The following NRXN1 variants were observed in gnomAD, a reference collection of about 807,000 sequenced individuals.
NRXN1 encodes neurexin 1.
Under a neutral mutation model 150.9 loss-of-function variants are expected in NRXN1, and 39 were observed. That is an observed-to-expected ratio of 0.26 (90% CI 0.20 to 0.34). The LOEUF is 0.34. Among genes scored for constraint, NRXN1 ranks in the 10% least tolerant of loss-of-function variants. The pLI is 1.00. For synonymous variants in NRXN1, 924 were observed against 757.0 expected, an observed-to-expected ratio of 1.22 and a Z score of -3.62; for missense variants, 1,815 against 1,949.9, an observed-to-expected ratio of 0.93 and a Z score of 1.30.
At position 51,028,585 on chromosome 2, in the gene NRXN1, T is replaced by C. The variant is rs202170901; in HGVS notation, c.-312A>G. Reference sequence around the variant, plus strand: ...TTCTGGAAAAGGCTTCAACAAAAGATCAAGGGAAAGCACTGACCCATTTGA... The same window carrying C: ...TTCTGGAAAAGGCTTCAACAAAAGACCAAGGGAAAGCACTGACCCATTTGA... On this transcript the variant is annotated 5_prime_UTR_variant, in exon 2 of 23. Transcript: ENST00000401669. The C allele has an allele frequency of 6.3e-6, 2 of 315,638 alleles. No individual in the cohort carries two copies. The highest frequency in any genetic ancestry group is 4.6e-5 in the Admixed American group (1 of 21,704). The allele number at this position is 315,638 out of a possible 1,614,324, so 19.6% of individuals were successfully genotyped here.
chr2:49,968,708 C>G (rs1677396122), intron 21 of NRXN1, among the ~76,000 whole-genome samples: 1 of 152,076 alleles, frequency 6.6e-6, no homozygotes, highest in African/African-American at 2.4e-5. Flanking sequence ...CCTTGAACCA[C>G]ATTAAACTCT....
chr2:50,178,493 A>G (rs2060489553), intron 18 of NRXN1, among the ~76,000 whole-genome samples: 1 of 152,094 alleles, frequency 6.6e-6, no homozygotes, highest in South Asian at 2.1e-4. Context: ...TACTGCCCAC[A>G]AAACAGAACC....
intron 21 of NRXN1, among the ~76,000 whole-genome samples, chr2:50,006,980 T>A (rs150087902): frequency 6.6e-6 from 1 of 152,228 alleles, no homozygotes; most frequent in Non-Finnish European, 1.5e-5. Context: ...CTGAAGGAAA[T>A]GCATGCACTA....
chr2:50,165,642 C>T (rs926142770), intron 18 of NRXN1, among the ~76,000 whole-genome samples: 4 of 152,184 alleles, frequency 2.6e-5, no homozygotes, highest in African/African-American at 7.2e-5. Context: ...AGCCACCCAC[C>T]GCGCCCAGCC....
At chr2:50,090,717 A>G (rs1699441268) in intron 19 of NRXN1, among the ~76,000 whole-genome samples, 2 of 152,204 alleles carry the variant, frequency 1.3e-5, no homozygotes, top group Admixed American at 1.3e-4. Flanking sequence ...TTATAGACTT[A>G]AAATGAGTAG....
chr2:50,470,001 C>G (rs1226251729), intron 16 of NRXN1, among the ~76,000 whole-genome samples: 1 of 151,522 alleles, frequency 6.6e-6, no homozygotes, highest in Non-Finnish European at 1.5e-5. Flanking sequence ...TCCGCCCACT[C>G]ACTCACATTA....
At chr2:50,549,253 C>T (rs1332144659) in intron 9 of NRXN1, among the ~76,000 whole-genome samples, 1 of 152,064 alleles carries the variant, frequency 6.6e-6, no homozygotes, top group Non-Finnish European at 1.5e-5. Context: ...CTACTCCATA[C>T]CAAACCAATG....
At chr2:50,726,662 C>T (rs911276577) in intron 5 of NRXN1, among the ~76,000 whole-genome samples, 37 of 152,070 alleles carry the variant, frequency 2.4e-4, no homozygotes, top group African/African-American at 7.7e-4. Flanking sequence ...AAAAAGTGAC[C>T]GATCTAGTTA....
chr2:50,631,847 T>G (rs1244996271), intron 5 of NRXN1, among the ~76,000 whole-genome samples: 1 of 151,908 alleles, frequency 6.6e-6, no homozygotes, highest in Admixed American at 6.6e-5. Flanking sequence ...TTTCTGGGAC[T>G]GACTCAGATT....
chr2:50,590,575 T>C (rs1350016338), intron 8 of NRXN1, among the ~76,000 whole-genome samples: 1 of 152,080 alleles, frequency 6.6e-6, no homozygotes, highest in Non-Finnish European at 1.5e-5. Flanking sequence ...TATTCAGATA[T>C]TGAAATCCTA....
At chr2:50,460,549 A>G (rs906359424) in intron 17 of NRXN1, among the ~76,000 whole-genome samples, 1 of 152,076 alleles carries the variant, frequency 6.6e-6, no homozygotes, top group South Asian at 2.1e-4. Flanking sequence ...AAAAAGACCA[A>G]TGCTTCCATT....
chr2:50,990,504 T>C (rs1226056785), intron 2 of NRXN1, among the ~76,000 whole-genome samples: 1 of 152,020 alleles, frequency 6.6e-6, no homozygotes, highest in African/African-American at 2.4e-5. Context: ...CATAGCTTAT[T>C]CTCTAGGGAA....
chr2:50,621,153 A>T, intron 7 of NRXN1, 73 bp downstream of exon 7: 1 of 1,371,228 alleles, frequency 7.3e-7, no homozygotes, highest in Non-Finnish European at 1.0e-6. Flanking sequence ...TAAAAGAAAG[A>T]AAGAAAACAC....
chr2:50,333,548 G>GAAAA lies in NRXN1; in HGVS notation c.3365-96579_3365-96578insTTTT, dbSNP rs1400621517. ...TGCCATGGTACAAATGGGGCCTCTG[G>GAAAA]TGTGTCAGAAAAGCAACTGGAAAAT... On this transcript the variant is annotated intron_variant, in intron 17 of 22. Transcript: ENST00000401669. 3.0e-4 allele frequency among the ~76,000 whole-genome samples: 46 copies of GAAAA among 152,118 alleles called. 1 individual carries two copies. The highest frequency in any genetic ancestry group is 9.4e-4 in the African/African-American group (39 of 41,470).
At chr2:50,691,994 T>C (rs1057111293) in intron 5 of NRXN1, among the ~76,000 whole-genome samples, 1 of 152,208 alleles carries the variant, frequency 6.6e-6, no homozygotes, top group Non-Finnish European at 1.5e-5. Flanking sequence ...GTTTATATCC[T>C]GCACTGATTC....
intron 5 of NRXN1, among the ~76,000 whole-genome samples, chr2:50,666,620 T>G (rs1238940270): frequency 2.6e-5 from 4 of 151,764 alleles, no homozygotes; most frequent in Non-Finnish European, 5.9e-5. Context: ...ATAAACAGAG[T>G]GTTTGCTTCA....
intron 21 of NRXN1, among the ~76,000 whole-genome samples, chr2:49,945,430 T>C (rs1672719921): frequency 6.6e-6 from 1 of 151,692 alleles, no homozygotes; most frequent in Non-Finnish European, 1.5e-5. Flanking sequence ...CCAGGATACA[T>C]GTGCAGCATA....
intron 5 of NRXN1, among the ~76,000 whole-genome samples, chr2:50,648,132 T>G (rs1685091462): frequency 2.0e-5 from 3 of 151,960 alleles, no homozygotes; most frequent in Admixed American, 2.0e-4. Flanking sequence ...AGCTCCTTGT[T>G]ACAATCAAGC....
At chr2:49,965,864 G>A (rs770571591) in intron 21 of NRXN1, among the ~76,000 whole-genome samples, 4 of 152,098 alleles carry the variant, frequency 2.6e-5, no homozygotes, top group Non-Finnish European at 5.9e-5. Context: ...TGGGGAAGAA[G>A]GACTTTTAGT....
Sources: allele counts gnomAD v4.1 joint callset (sites outside exome capture counted in the v4.1 genomes callset), GRCh38; gene constraint gnomAD v4.1.1; transcripts MANE v1.5; gene names NCBI Gene and HGNC (gene_info 2026-07-23, HGNC 2026-07-21).